Variants in NRCAM observed in about 807,000 individuals in gnomAD.
The protein encoded by NRCAM is NgCAM-related cell adhesion molecule.
Under a neutral mutation model 156.5 loss-of-function variants are expected in NRCAM, and 83 were observed. The ratio of observed to expected loss-of-function variants is 0.53; its 90% CI spans 0.44 to 0.64. The LOEUF (loss-of-function observed/expected upper bound fraction) is 0.64. Among genes scored for constraint, NRCAM ranks in the 30% least tolerant of loss-of-function variants. The pLI is 0.00. For synonymous variants in NRCAM, 538 were observed against 563.9 expected (o/e 0.95, Z 0.65); for missense variants, 1,417 against 1,597.3 (o/e 0.89, Z 1.92).
chr7:108,207,566 G>A lies in NRCAM; in HGVS notation c.1169C>T (p.Pro390Leu), dbSNP rs2081835861. The A allele has an allele frequency of 1.2e-6, 2 of 1,613,772 alleles. No homozygotes were observed. The highest frequency in any genetic ancestry group is 2.2e-5 in the South Asian group (2 of 91,060). ...TCCATTTGTTAACCAGCTAATTCTGGGTTTGGGGTTGCCATTAGCTCTGCA... is the reference window on the plus strand; with the variant it reads ...TCCATTTGTTAACCAGCTAATTCTGAGTTTGGGGTTGCCATTAGCTCTGCA... ...LICRANGNPK[P>L]RISWLTNGVP... Residue 390 changes from proline to leucine, a missense_variant, in exon 13 of 33, where the codon CCC becomes CTC. Around this residue, in one of 2 missense-constraint regions of NRCAM, gnomAD observed 1,238 missense variants for 1,336.4 expected, o/e 0.93. Transcript: ENST00000379028.
At chr7:108,212,537 C>T (rs956088774) in intron 11 of NRCAM, among the ~76,000 whole-genome samples, 1 of 151,978 alleles carries the variant, frequency 6.6e-6, no homozygotes. Context: ...AGGAAATAGA[C>T]ACTATAAAGA....
chr7:108,263,092 G>A (rs990420276), intron 3 of NRCAM, among the ~76,000 whole-genome samples: 1 of 152,192 alleles, frequency 6.6e-6, no homozygotes, highest in Non-Finnish European at 1.5e-5. Context: ...CTTCCAAGGT[G>A]CTTGGTTAGA....
At chr7:108,357,257 G>A (rs2099510645) in intron 2 of NRCAM, among the ~76,000 whole-genome samples, 1 of 151,458 alleles carries the variant, frequency 6.6e-6, no homozygotes, top group Non-Finnish European at 1.5e-5. Context: ...TTAAAGTTCT[G>A]TTCAGATTTT....
intron 2 of NRCAM, among the ~76,000 whole-genome samples, chr7:108,372,573 A>G (rs560646051): frequency 6.6e-6 from 1 of 151,462 alleles, no homozygotes; most frequent in East Asian, 2.0e-4. Flanking sequence ...GAAGAAAGAG[A>G]AATGGCCAAT....
intron 1 of NRCAM, among the ~76,000 whole-genome samples, chr7:108,408,129 C>A (rs1245739104): frequency 1.3e-5 from 2 of 151,898 alleles, no homozygotes; most frequent in Non-Finnish European, 2.9e-5. Context: ...AAACTGCCAC[C>A]CAGCAAAGAA....
At chr7:108,181,218 T>C (rs1306102980) in intron 24 of NRCAM, among the ~76,000 whole-genome samples, 2 of 150,380 alleles carry the variant, frequency 1.3e-5, no homozygotes, top group Non-Finnish European at 3.0e-5. Flanking sequence ...TTGAATGTGA[T>C]GTAGTACAAA....
intron 11 of NRCAM, 21 bp from the exon 12 acceptor site, chr7:108,209,626 T>C (rs1415982856): frequency 1.9e-6 from 3 of 1,541,992 alleles, no homozygotes; most frequent in African/African-American, 2.8e-5. Flanking sequence ...AAATAAATAA[T>C]GATGTTACAA....
chr7:108,406,294 T>C (rs2099807371), intron 1 of NRCAM, among the ~76,000 whole-genome samples: 1 of 152,138 alleles, frequency 6.6e-6, no homozygotes. Flanking sequence ...CAGAGGAGAT[T>C]TGAGCACATC....
intron 2 of NRCAM, among the ~76,000 whole-genome samples, chr7:108,338,307 G>A (rs1462841981): frequency 1.3e-5 from 2 of 152,164 alleles, no homozygotes; most frequent in Non-Finnish European, 2.9e-5. Context: ...TACTTCCTCT[G>A]ATCCCTGCCT....
intron 2 of NRCAM, chr7:108,328,644 T>C (rs1417847302): frequency 1.3e-5 from 2 of 152,188 alleles, no homozygotes; most frequent in African/African-American, 2.4e-5. Context: ...CCTGGCTTTG[T>C]GGCAATACAA....
chr7:108,151,650 A>G (rs899739779), intron 32 of NRCAM, among the ~76,000 whole-genome samples: 1 of 152,226 alleles, frequency 6.6e-6, no homozygotes, highest in Admixed American at 6.5e-5. Flanking sequence ...CACTGCTAAT[A>G]AACAACTGGA....
At chr7:108,347,298 A>C (rs1203744261) in intron 2 of NRCAM, among the ~76,000 whole-genome samples, 1 of 152,068 alleles carries the variant, frequency 6.6e-6, no homozygotes, top group African/African-American at 2.4e-5. Flanking sequence ...GGCCTCCCAA[A>C]GTGCTGGGAT....
At chr7:108,398,805 C>T (rs2099784000) in intron 2 of NRCAM, among the ~76,000 whole-genome samples, 1 of 152,180 alleles carries the variant, frequency 6.6e-6, no homozygotes, top group South Asian at 2.1e-4. Context: ...ATTTATGTGC[C>T]TGTCTCTTGC....
chr7:108,376,034 A>T (rs2099674096), intron 2 of NRCAM, among the ~76,000 whole-genome samples: 1 of 152,198 alleles, frequency 6.6e-6, no homozygotes, highest in Non-Finnish European at 1.5e-5. Flanking sequence ...TTAACCTGAG[A>T]TGGACACCTG....
At chr7:108,269,922 C>A (rs2097276871) in intron 3 of NRCAM, among the ~76,000 whole-genome samples, 1 of 152,154 alleles carries the variant, frequency 6.6e-6, no homozygotes, top group African/African-American at 2.4e-5. Flanking sequence ...GAAATCTTAG[C>A]AAAGCTTCCT....
intron 1 of NRCAM, among the ~76,000 whole-genome samples, chr7:108,422,961 C>G (rs1269625286): frequency 2.6e-5 from 4 of 152,072 alleles, no homozygotes; most frequent in Non-Finnish European, 4.4e-5. Flanking sequence ...AGAGAAGGGG[C>G]CACTGCACAG....
At chr7:108,207,419 T>C (rs546269778) in intron 13 of NRCAM, 109 bp downstream of exon 13, 11 of 1,088,536 alleles carry the variant, frequency 1.0e-5, no homozygotes, top group Non-Finnish European at 6.6e-6. Flanking sequence ...AACATACATG[T>C]GGCTTCCTTC....
chr7:108,263,451 A>C (rs1422947632), intron 3 of NRCAM, among the ~76,000 whole-genome samples: 3 of 152,254 alleles, frequency 2.0e-5, no homozygotes, highest in Non-Finnish European at 4.4e-5. Context: ...AAGGGCCATA[A>C]GAGCCAATTG....
At chr7:108,387,605 T>G (rs866163325) in intron 2 of NRCAM, among the ~76,000 whole-genome samples, 42 of 152,210 alleles carry the variant, frequency 2.8e-4, no homozygotes, top group Admixed American at 3.3e-4. Flanking sequence ...AGGGTACATG[T>G]GCACAACGTG....
Sources: allele counts gnomAD v4.1 joint callset (sites outside exome capture counted in the v4.1 genomes callset), GRCh38; gene constraint gnomAD v4.1.1; regional missense constraint gnomAD v4.1.1; transcripts MANE v1.5; gene names NCBI Gene and HGNC (gene_info 2026-07-23, HGNC 2026-07-21).